MYRIP: variants seen among roughly 807,000 people sequenced by gnomAD.
MYRIP encodes the protein rab effector MyRIP.
MYRIP carries 49 observed loss-of-function variants against 98.0 expected under a neutral mutation model. The ratio of observed to expected loss-of-function variants is 0.50; its 90% CI spans 0.40 to 0.63. The LOEUF is 0.63. MYRIP is among the 30% of genes least tolerant of loss of function. The pLI, the probability that MYRIP is intolerant of heterozygous loss-of-function variation, is 0.00. For missense variants in MYRIP, 1,004 were observed against 1,058.2 expected, an observed-to-expected ratio of 0.95 and a Z score of 0.71; for synonymous variants, 404 against 409.5, an observed-to-expected ratio of 0.99 and a Z score of 0.16.
intron 3 of MYRIP, among the ~76,000 whole-genome samples, chr3:40,148,932 G>A (rs1950062204): frequency 6.6e-6 from 1 of 152,160 alleles, no homozygotes; most frequent in African/African-American, 2.4e-5. Flanking sequence ...AAAGGTGGAG[G>A]TGCTTACTGA....
chr3:39,997,594 C>T (rs1946396698), intron 2 of MYRIP, among the ~76,000 whole-genome samples: 1 of 152,162 alleles, frequency 6.6e-6, no homozygotes, highest in Non-Finnish European at 1.5e-5. Flanking sequence ...CAGCCGAATT[C>T]TACCAGAGGT....
At chr3:39,921,904 G>GTGT in intron 2 of MYRIP, among the ~76,000 whole-genome samples, 1 of 107,610 alleles carries the variant, frequency 9.3e-6, no homozygotes, top group Admixed American at 9.0e-5. Context: ...AAAAAAAAAA[G>GTGT]TGTTGACGGC....
At chr3:40,046,085 C>A (rs1179820043) in intron 3 of MYRIP, among the ~76,000 whole-genome samples, 4 of 151,968 alleles carry the variant, frequency 2.6e-5, no homozygotes, top group Non-Finnish European at 2.9e-5. Context: ...AGTTAAGGGA[C>A]CAAAATACCA....
intron 2 of MYRIP, among the ~76,000 whole-genome samples, chr3:40,019,079 T>G (rs1422971210): frequency 1.3e-5 from 2 of 152,258 alleles, no homozygotes; most frequent in African/African-American, 4.8e-5. Context: ...CCTCTGATCC[T>G]GCTAGCAACC....
chr3:40,044,991 G>C (rs115107653), intron 3 of MYRIP, among the ~76,000 whole-genome samples: 1 of 152,136 alleles, frequency 6.6e-6, no homozygotes, highest in Non-Finnish European at 1.5e-5. Context: ...CCAGTGTTTG[G>C]TATTTGTCTG....
At chr3:39,895,250 G>C (rs927654051) in intron 1 of MYRIP, among the ~76,000 whole-genome samples, 1 of 151,392 alleles carries the variant, frequency 6.6e-6, no homozygotes, top group African/African-American at 2.4e-5. Flanking sequence ...GCAGTGGCGC[G>C]ATCTCGGCTT....
chr3:39,849,234 G>A (rs1402492576), intron 1 of MYRIP, among the ~76,000 whole-genome samples: 5 of 152,144 alleles, frequency 3.3e-5, no homozygotes, highest in African/African-American at 1.2e-4. Flanking sequence ...CTAAAGTGGG[G>A]TCCCATATTC....
intron 2 of MYRIP, among the ~76,000 whole-genome samples, chr3:39,999,351 AC>A (rs1181138415): frequency 6.6e-6 from 1 of 152,214 alleles, no homozygotes; most frequent in African/African-American, 2.4e-5. Flanking sequence ...AACCCCATCA[AC>A]AAGTGGGTGA....
chr3:40,033,590 A>G (rs1353095090), intron 2 of MYRIP, among the ~76,000 whole-genome samples: 2 of 152,242 alleles, frequency 1.3e-5, no homozygotes, highest in Non-Finnish European at 2.9e-5. Context: ...GAAATGGAAG[A>G]GCATTCCATG....
intron 3 of MYRIP, among the ~76,000 whole-genome samples, chr3:40,089,436 C>A (rs1469246775): frequency 1.3e-5 from 2 of 152,146 alleles, no homozygotes. Context: ...CATCCTTTTT[C>A]ATTTACAACC....
chr3:40,169,893 C>G, intron 7 of MYRIP, 57 bp from the exon 8 acceptor site: 1 of 1,608,678 alleles, frequency 6.2e-7, no homozygotes, highest in Non-Finnish European at 8.5e-7. Context: ...AGTTACTCCA[C>G]ATAGCATCAG....
In MYRIP at chr3:40,210,059, A is replaced by G. The variant is rs377647150; in HGVS notation, c.1871A>G (p.Asp624Gly). The change falls in exon 11 of 17, where the codon GAC becomes GGC. Residue 624 changes from aspartate (D) to glycine (G), a missense_variant. By Grantham distance (94) the Asp-to-Gly change is moderately conservative (BLOSUM62 -1). Coordinates refer to ENST00000302541, the MANE Select transcript of MYRIP (RefSeq NM_015460.4). ...CAGAAGGAAAGTCTGTCCTCTGAAG[A>G]CAACAGCCAGAGTGTCCAGGAAGAG... ...ENQKESLSSEDNSQSVQEELK... is the reference protein window; with the variant it reads ...ENQKESLSSEGNSQSVQEELK... 63 of 1,613,936 alleles carry G rather than the reference A, an allele frequency of 3.9e-5. No homozygotes were observed. The highest frequency in any genetic ancestry group is 5.1e-5 in the Non-Finnish European group (60 of 1,179,956).
intron 2 of MYRIP, among the ~76,000 whole-genome samples, chr3:39,932,377 T>C (rs1031892430): frequency 4.6e-5 from 7 of 152,134 alleles, no homozygotes; most frequent in Admixed American, 4.6e-4. Context: ...TCTTTTTTTT[T>C]TGGAACGGAG....
chr3:39,915,259 A>G (rs1207021240), intron 2 of MYRIP, among the ~76,000 whole-genome samples: 2 of 152,014 alleles, frequency 1.3e-5, no homozygotes, highest in Non-Finnish European at 2.9e-5. Context: ...CAAACTAAAT[A>G]ATAAAACTCA....
At chr3:40,252,919 C>T (rs1458138151) in intron 16 of MYRIP, among the ~76,000 whole-genome samples, 2 of 152,096 alleles carry the variant, frequency 1.3e-5, no homozygotes, top group East Asian at 1.9e-4. Flanking sequence ...AAGCAGCCAC[C>T]GATTAAGAAA....
intron 3 of MYRIP, among the ~76,000 whole-genome samples, chr3:40,142,968 C>T (rs931839004): frequency 1.3e-5 from 2 of 152,194 alleles, no homozygotes; most frequent in African/African-American, 4.8e-5. Flanking sequence ...AGGTAGATTC[C>T]GGTTTCTCAC....
Position 40,044,279 on chromosome 3 carries a change from G to T in MYRIP, c.332+8G>T. On this transcript the variant is annotated splice_region_variant and intron_variant, in intron 3 of 16. Transcript: ENST00000302541. ...CGTCTGCCAGCAAGCGAGGTGAGTG[G>T]CTGGTGCATTCCCAGGGTCTACACT... 6.2e-7 allele frequency: 1 copy of T among 1,613,574 alleles called. No individual in the cohort carries two copies. The highest frequency in any genetic ancestry group is 8.5e-7 in the Non-Finnish European group (1 of 1,179,566).
At chr3:40,081,070 T>C (rs1235395178) in intron 3 of MYRIP, among the ~76,000 whole-genome samples, 1 of 152,152 alleles carries the variant, frequency 6.6e-6, no homozygotes, top group Non-Finnish European at 1.5e-5. Context: ...TTGCTATTGA[T>C]TTCAAACTTT....
intron 1 of MYRIP, among the ~76,000 whole-genome samples, chr3:39,888,285 A>G (rs1433085803): frequency 6.6e-6 from 1 of 152,126 alleles, no homozygotes; most frequent in African/African-American, 2.4e-5. Flanking sequence ...ACTATACTAC[A>G]AGGCTACAGT....
Sources: allele counts gnomAD v4.1 joint callset (sites outside exome capture counted in the v4.1 genomes callset), GRCh38; gene constraint gnomAD v4.1.1; transcripts MANE v1.5; gene names NCBI Gene and HGNC (gene_info 2026-07-23, HGNC 2026-07-21).